Variants in PEG3 observed in about 807,000 individuals in gnomAD.
The protein encoded by PEG3 is paternally-expressed gene 3 protein.
A neutral mutation model predicts 35.5 loss-of-function variants in PEG3; 23 were observed. That is an observed-to-expected ratio of 0.65 (90% confidence interval 0.47 to 0.92). PEG3 has a LOEUF of 0.92. PEG3 is among the 40% of genes least tolerant of loss of function. The pLI, the probability that PEG3 is intolerant of heterozygous loss-of-function variation, is 0.00. For synonymous variants in PEG3, 707 were observed against 697.0 expected (o/e 1.01, Z -0.23); for missense variants, 1,960 against 1,985.3 (o/e 0.99, Z 0.24).
rs2048022344 is a variant in PEG3, at chr19:56,810,186, A to G, written c.*3489T>C. On this transcript the variant is annotated 3_prime_UTR_variant, in exon 10 of 10. Coordinates refer to ENST00000326441, the MANE Select transcript of PEG3 (RefSeq NM_006210.3). ...TGCACAGAAACAAGATGAAGAAAATATATCAAGATGTTAACCACACTCTTT... is the reference window on the plus strand; with the variant it reads ...TGCACAGAAACAAGATGAAGAAAATGTATCAAGATGTTAACCACACTCTTT... The G allele has an allele frequency of 2.0e-6, 2 of 980,638 alleles. No homozygotes were observed. Among genetic ancestry groups the G allele is most frequent in the East Asian group, 1.1e-4 (1 of 8,800 alleles). The allele number at this position is 980,638 out of a possible 1,614,324, so 60.7% of individuals were successfully genotyped here.
chr19:56,821,727 G>A lies in PEG3; in HGVS notation c.593C>T (p.Pro198Leu), dbSNP rs763203724. ...SRMPPRDLSL[P>L]VVAKTSFEMD... ...TTCAAAGCTTGTTTTCGCCACCACA[G>A]GAAGGGAAAGATCCCGCGGAGGCAT... Residue 198 changes from proline to leucine, a missense_variant, in exon 7 of 10, where the codon CCT becomes CTT. Around this residue, in one of 5 missense-constraint regions of PEG3, gnomAD observed 613 missense variants for 577.1 expected, o/e 1.06. Transcript: ENST00000326441. 5.6e-6 allele frequency: 9 copies of A among 1,613,948 alleles called. No homozygotes were observed. The highest frequency in any genetic ancestry group is 8.5e-7 in the Non-Finnish European group (1 of 1,180,028).
rs372129615 is a variant in PEG3, at chr19:56,813,780, A to C, written c.4662T>G (p.Gly1554=). 1.0e-4 allele frequency: 161 copies of C among 1,613,830 alleles called. No homozygotes were observed. The highest frequency in any genetic ancestry group is 1.3e-4 in the Non-Finnish European group (154 of 1,180,006). ...GYIERASTST[G]GANQADEKYF... Reference sequence around the variant, plus strand: ...ACTTCTCATCAGCTTGATTGGCACCACCTGTGCTGGTGCTGGCACGTTCGA... The same window carrying C: ...ACTTCTCATCAGCTTGATTGGCACCCCCTGTGCTGGTGCTGGCACGTTCGA... The change falls in exon 10 of 10, where the codon GGT becomes GGG. Residue 1554 remains glycine, a synonymous_variant. Transcript: ENST00000326441.
chr19:56,839,141 G>A (rs916439473), intron 1 of PEG3, among the ~76,000 whole-genome samples: 1 of 152,016 alleles, frequency 6.6e-6, no homozygotes, highest in South Asian at 2.1e-4. Flanking sequence ...ATGGCGCCCA[G>A]GTGGGTGGGG....
intron 2 of PEG3, among the ~76,000 whole-genome samples, chr19:56,826,872 A>C (rs904011889): frequency 6.6e-6 from 1 of 152,214 alleles, no homozygotes. Flanking sequence ...ATCTATACAC[A>C]TATATATGCT....
At position 56,816,922 on chromosome 19, in the gene PEG3, C is replaced by T. The variant is rs2060032900; in HGVS notation, c.1520G>A (p.Cys507Tyr). Residue 507 changes from cysteine (C) to tyrosine (Y), a missense_variant, in exon 10 of 10, where the codon TGT becomes TAT. Cys to Tyr is a radical substitution (Grantham distance 194). Around this residue, in one of 5 missense-constraint regions of PEG3, gnomAD observed 798 missense variants for 782.4 expected, o/e 1.02. Coordinates refer to ENST00000326441, the MANE Select transcript of PEG3 (RefSeq NM_006210.3). The part of the protein sequence containing the change: ...KSQVGGKRFE[C>Y]KDCGETFNKS... Reference sequence around the variant, plus strand: ...ATTGAAGGTCTCTCCACAGTCCTTACATTCAAAACGTTTCCCTCCAACCTG... The same window carrying T: ...ATTGAAGGTCTCTCCACAGTCCTTATATTCAAAACGTTTCCCTCCAACCTG... 1 of 1,614,224 alleles carries T rather than the reference C, an allele frequency of 6.2e-7. No individual in the cohort carries two copies. The highest frequency in any genetic ancestry group is 1.7e-5 in the Admixed American group (1 of 60,032).
At chr19:56,840,448 C>T (rs2062880281) in intron 1 of PEG3, 134 bp downstream of exon 1, 1 of 152,268 alleles carries the variant, frequency 6.6e-6, no homozygotes, top group Admixed American at 6.5e-5. Context: ...TCCGCCAGCC[C>T]GCCCTGCCAC....
chr19:56,810,936 T>C lies in PEG3; in HGVS notation c.*2739A>G, dbSNP rs879616111. ...ATCAGGACATTATTATAGGGAACATTTGAAAAAATTAAAGTGAAAGTATTT... is the reference window on the plus strand; with the variant it reads ...ATCAGGACATTATTATAGGGAACATCTGAAAAAATTAAAGTGAAAGTATTT... On this transcript the variant is annotated 3_prime_UTR_variant, in exon 10 of 10. Coordinates refer to ENST00000326441, the MANE Select transcript of PEG3 (RefSeq NM_006210.3). 3 of 969,226 alleles carry C rather than the reference T, an allele frequency of 3.1e-6. No homozygotes were observed. In the African/African-American group the frequency reaches 5.3e-5, roughly 17 times the overall value. 60.0% of individuals were successfully genotyped at this position (969,226 alleles called of 1,614,324 possible).
chr19:56,837,171 T>C (rs960106229), intron 1 of PEG3, among the ~76,000 whole-genome samples: 1 of 152,006 alleles, frequency 6.6e-6, no homozygotes, highest in African/African-American at 2.4e-5. Flanking sequence ...CGAACTAAGC[T>C]TTGGAAGCTG....
In PEG3 at chr19:56,812,972, C is replaced by T. The variant is rs1055359; in HGVS notation, c.*703G>A. 0.79 allele frequency: 777,651 copies of T among 985,208 alleles called. 307,082 individuals carry two copies. Among genetic ancestry groups the T allele is most frequent in the South Asian group, 0.85 (18,035 of 21,280 alleles). The allele number at this position is 985,208 out of a possible 1,614,324, so 61.0% of individuals were successfully genotyped here. ...ACAGTATTAGGTTCCAAAGTGTTGG[C>T]GCAGATGAAATGGCTGCAGAAAGAA... On this transcript the variant is annotated 3_prime_UTR_variant, in exon 10 of 10. Coordinates refer to ENST00000326441, the MANE Select transcript of PEG3 (RefSeq NM_006210.3).
At position 56,815,233 on chromosome 19, in the gene PEG3, C is replaced by T. The variant is rs773283378; in HGVS notation, c.3209G>A (p.Gly1070Glu). The change falls in exon 10 of 10, where the codon GGG becomes GAG. Residue 1070 changes from glycine (G) to glutamate (E), a missense_variant. Gly to Glu is a moderately conservative substitution (Grantham distance 98). Around this residue, in one of 5 missense-constraint regions of PEG3, gnomAD observed 798 missense variants for 782.4 expected, o/e 1.02. Coordinates refer to ENST00000326441, the MANE Select transcript of PEG3 (RefSeq NM_006210.3). ...GEESQGENTD[G>E]EETHSEETHG... ...GGTCTCCTCGCTGTGGGTCTCCTCC[C>T]CATCAGTATTCTCGCCTTGAGACTC... 6.2e-7 allele frequency: 1 copy of T among 1,614,112 alleles called. No individual in the cohort carries two copies. The highest frequency in any genetic ancestry group is 1.7e-5 in the Admixed American group (1 of 60,014).
rs762878522 is a variant in PEG3, at chr19:56,814,738, A to G, written c.3704T>C (p.Ile1235Thr). Reference protein sequence around the residue: ...IRCLLCGQGFIHSSALNEHMR... With the variant: ...IRCLLCGQGFTHSSALNEHMR... The stretch of plus-strand genomic sequence containing the variant: ...ATGCTCATTAAGGGCAGAGCTATGA[A>G]TGAAGCCTTGTCCACACAAAAGGCA... The change falls in exon 10 of 10, where the codon ATT becomes ACT. Residue 1235 changes from isoleucine (I) to threonine (T), a missense_variant. Around this residue, in one of 5 missense-constraint regions of PEG3, gnomAD observed 124 missense variants for 179.6 expected, o/e 0.69. Transcript: ENST00000326441. This position sits in a 1 kb window ranked among gnomAD's most constrained non-coding sequence, Gnocchi z 5.8. 1 of 1,614,144 alleles carries G rather than the reference A, an allele frequency of 6.2e-7. No individual in the cohort carries two copies. Among genetic ancestry groups the G allele is most frequent in the Admixed American group, 1.7e-5 (1 of 60,032 alleles).
rs188136291 is a variant in PEG3 at position 56,813,516 on chromosome 19, T to G, written c.*159A>C. On this transcript the variant is annotated 3_prime_UTR_variant, in exon 10 of 10. Coordinates refer to ENST00000326441, the MANE Select transcript of PEG3 (RefSeq NM_006210.3). ...GCTTAAGACTGTGGAATCTGCACAT[T>G]CGGTCTCTTTTCAATCTGAGTTTAG... 2.0e-3 allele frequency: 2,811 copies of G among 1,432,950 alleles called. 10 individuals are homozygous for G. The highest frequency in any genetic ancestry group is 2.1e-3 in the Non-Finnish European group (2,326 of 1,092,436). The allele number at this position is 1,432,950 out of a possible 1,614,324, so 88.8% of individuals were successfully genotyped here.
In PEG3 at chr19:56,816,207, C is replaced by T; in HGVS notation, c.2235G>A (p.Glu745=). The T allele has an allele frequency of 1.9e-6, 3 of 1,614,114 alleles. No homozygotes were observed. Among genetic ancestry groups the T allele is most frequent in the Non-Finnish European group, 2.5e-6 (3 of 1,180,002 alleles). ...HTITRPLESD[E]DEKAFTISSN... Reference sequence around the variant, plus strand: ...AGCTAATGGTGAACGCCTTTTCGTCCTCATCACTTTCAAGAGGTCTTGTTA... The same window carrying T: ...AGCTAATGGTGAACGCCTTTTCGTCTTCATCACTTTCAAGAGGTCTTGTTA... Residue 745 remains glutamate (E), a synonymous_variant, in exon 10 of 10, where the codon GAG becomes GAA. Coordinates refer to ENST00000326441, the MANE Select transcript of PEG3 (RefSeq NM_006210.3).
At position 56,815,950 on chromosome 19, in the gene PEG3, C is replaced by T; in HGVS notation, c.2492G>A (p.Ser831Asn). ...GGNTSEGREYSRSVIHSLVAS... is the reference protein window; with the variant it reads ...GGNTSEGREYNRSVIHSLVAS... ...CACTAAGCTATGGATAACAGACCTA[C>T]TGTATTCCCTTCCTTCAGAGGTGTT... Residue 831 changes from serine (S) to asparagine (N), a missense_variant, in exon 10 of 10, where the codon AGT (serine) becomes AAT (asparagine). Physicochemically the swap from Ser to Asn is conservative, Grantham distance 46 (BLOSUM62 1). Around this residue, in one of 5 missense-constraint regions of PEG3, gnomAD observed 798 missense variants for 782.4 expected, o/e 1.02. Transcript: ENST00000326441. 1.3e-6 allele frequency: 2 copies of T among 1,596,102 alleles called. No individual in the cohort carries two copies. Among genetic ancestry groups the T allele is most frequent in the Non-Finnish European group, 1.7e-6 (2 of 1,171,548 alleles).
At position 56,813,007 on chromosome 19, in the gene PEG3, C is replaced by T; in HGVS notation, c.*668G>A. 1 of 985,700 alleles carries T rather than the reference C, an allele frequency of 1.0e-6. No homozygotes were observed. Among genetic ancestry groups the T allele is most frequent in the Non-Finnish European group, 1.2e-6 (1 of 829,850 alleles). The allele number at this position is 985,700 out of a possible 1,614,324, so 61.1% of individuals were successfully genotyped here. ...ATGGCTGCAGAAAGAAGCTAAAGTA[C>T]TTATCTTTTCAAACAGTAAGGAGTA... On this transcript the variant is annotated 3_prime_UTR_variant, in exon 10 of 10. Coordinates refer to ENST00000326441, the MANE Select transcript of PEG3 (RefSeq NM_006210.3).
intron 5 of PEG3, 28 bp downstream of exon 5, chr19:56,823,565 G>C (rs762813794): frequency 6.2e-7 from 1 of 1,613,946 alleles, no homozygotes; most frequent in Non-Finnish European, 8.5e-7. Context: ...CTGCCCATGG[G>C]TGACCAGTGG....
chr19:56,812,037 A>G lies in PEG3; in HGVS notation c.*1638T>C. 1 of 984,520 alleles carries G rather than the reference A, an allele frequency of 1.0e-6. No individual in the cohort carries two copies. The highest frequency in any genetic ancestry group is 1.2e-6 in the Non-Finnish European group (1 of 829,088). The allele number at this position is 984,520 out of a possible 1,614,324, so 61.0% of individuals were successfully genotyped here. A position where few individuals can be genotyped will look rare whatever the true frequency, so the allele number is the denominator to read the frequency against. On this transcript the variant is annotated 3_prime_UTR_variant, in exon 10 of 10. Transcript: ENST00000326441. ...CCTAATCCTGCAGATCCAGAAGAGT[A>G]AGATTCAGACACATTTCCCCCAGTG...
intron 2 of PEG3, among the ~76,000 whole-genome samples, chr19:56,830,878 GATC>G (rs2061507405): frequency 6.6e-6 from 1 of 152,040 alleles, no homozygotes; most frequent in Non-Finnish European, 1.5e-5. Context: ...AGTGGGCTAA[GATC>G]ATGCCCCTGC....
chr19:56,817,752 T>G lies in PEG3; in HGVS notation c.856A>C (p.Ser286Arg), dbSNP rs1180113703. 3 of 1,613,882 alleles carry G rather than the reference T, an allele frequency of 1.9e-6. No individual in the cohort carries two copies. Among genetic ancestry groups the G allele is most frequent in the Admixed American group, 1.7e-5 (1 of 60,024 alleles). Residue 286 changes from serine to arginine, a missense_variant, in exon 9 of 10, where the codon AGT becomes CGT. Transcript: ENST00000326441. Reference sequence around the variant, plus strand: ...GGATGTGCCTCCTGCTTACCTCGACTGGTGCTTGGGTAGGCACTTCTCTTG... The same window carrying G: ...GGATGTGCCTCCTGCTTACCTCGACGGGTGCTTGGGTAGGCACTTCTCTTG... The part of the protein sequence containing the change: ...RSKRSAYPST[S>R]RGLKTMPEAK...
Sources: gnomAD v4.1 joint callset for allele counts (sites outside exome capture counted in the v4.1 genomes callset) on GRCh38, gnomAD v4.1.1 for gene constraint, gnomAD v4.1.1 regional missense constraint, Gnocchi (gnomAD v3.1) non-coding constraint, MANE v1.5 for transcripts, NCBI Gene and HGNC (gene_info 2026-07-23, HGNC 2026-07-21) for gene names.